The following FGF13 variants were observed in gnomAD, a reference collection of about 807,000 sequenced individuals.
The protein encoded by FGF13 is fibroblast growth factor homologous factor 2.
In FGF13, 2 loss-of-function variants were observed where a neutral mutation model predicts 19.5. The ratio of observed to expected loss-of-function variants is 0.10; its 90% CI spans 0.04 to 0.32. The LOEUF (loss-of-function observed/expected upper bound fraction) is 0.32, where lower values mean the gene tolerates loss of function less well. Ranked by LOEUF, FGF13 falls within the 10% of genes least tolerant of loss-of-function variation. FGF13 has a pLI of 1.00. For synonymous variants in FGF13, 72 were observed against 76.9 expected, an observed-to-expected ratio of 0.94 and a Z score of 0.33; for missense variants, 113 against 192.7, an observed-to-expected ratio of 0.59 and a Z score of 2.45.
chrX:138,687,920 G>A (rs2089799656), intron 3 of FGF13, among the ~76,000 whole-genome samples: 1 of 109,749 alleles, frequency 9.1e-6, no homozygotes, highest in Non-Finnish European at 1.9e-5. Context: ...AATACTGCAT[G>A]TTCTCACTCG....
At chrX:138,879,345 T>C (rs1012949833) in intron 1 of FGF13, among the ~76,000 whole-genome samples, 1 of 110,941 alleles carries the variant, frequency 9.0e-6, no homozygotes, top group African/African-American at 3.3e-5. Context: ...TAATGTTCTT[T>C]GATACACAAC....
intron 3 of FGF13, among the ~76,000 whole-genome samples, chrX:138,828,350 C>T (rs928071524): frequency 6.7e-4 from 74 of 110,247 alleles, no homozygotes; most frequent in Non-Finnish European, 1.2e-3. Context: ...GGGCGGATCA[C>T]GAGGTCAGGA....
intron 1 of FGF13, among the ~76,000 whole-genome samples, chrX:139,138,172 G>A (rs2083814731): frequency 8.9e-6 from 1 of 112,100 alleles, no homozygotes; most frequent in South Asian, 3.7e-4. Flanking sequence ...AAATAGCCCT[G>A]TGAGGTAGAT....
rs17538816 is a variant in FGF13, at chrX:138,710,014, T to G, written c.187+803A>C. 3.7e-3 allele frequency among the ~76,000 whole-genome samples: 408 copies of G among 111,248 alleles called. 13 individuals carry two copies. In the East Asian group the frequency reaches 0.081, roughly 22 times the overall value. The stretch of plus-strand genomic sequence containing the variant: ...TGTAAAAGATTCATTTGGTTAAGAA[T>G]GGCAAATAAACTGCATGCTCGCCTG... On this transcript the variant is annotated intron_variant, in intron 1 of 4. Coordinates refer to ENST00000315930, the MANE Select transcript of FGF13 (RefSeq NM_004114.5).
intron 1 of FGF13, among the ~76,000 whole-genome samples, chrX:139,122,481 T>C (rs954825964): frequency 9.0e-6 from 1 of 111,613 alleles, no homozygotes; most frequent in African/African-American, 3.3e-5. Context: ...ATCTCCACAT[T>C]GCCAAATCCA....
intron 1 of FGF13, among the ~76,000 whole-genome samples, chrX:138,868,589 T>A (rs1473555093): frequency 9.0e-6 from 1 of 111,145 alleles, no homozygotes; most frequent in African/African-American, 3.3e-5. Context: ...AAGCCTATTT[T>A]CTTCTCTCAA....
downstream of FGF13, among the ~76,000 whole-genome samples, chrX:138,855,962 C>CTGTGTGTGTGTG (rs35763167): frequency 4.9e-5 from 5 of 101,314 alleles, no homozygotes; most frequent in African/African-American, 1.8e-4. Flanking sequence ...AGTACAAAAA[C>CTGTGTGTGTGTG]TGTGTGTGTG....
upstream of FGF13, chrX:139,204,091 G>A (rs2084443171): frequency 3.3e-6 from 4 of 1,209,349 alleles, no homozygotes; most frequent in Non-Finnish European, 4.5e-6. Flanking sequence ...TTTGGGCTTG[G>A]TCACCTTTCC....
intron 3 of FGF13, among the ~76,000 whole-genome samples, chrX:138,836,668 T>C (rs752851702): frequency 1.3e-4 from 15 of 111,974 alleles, no homozygotes; most frequent in Non-Finnish European, 2.6e-4. Flanking sequence ...TTCCTATCCA[T>C]ATTCTGAATT....
At chrX:138,998,747 C>T (rs1330586164) in intron 1 of FGF13, among the ~76,000 whole-genome samples, 1 of 111,350 alleles carries the variant, frequency 9.0e-6, no homozygotes, top group African/African-American at 3.3e-5. Flanking sequence ...GAGACTTTAA[C>T]ACCCCACTGT....
chrX:138,828,584 A>AG (rs1206083743), intron 3 of FGF13, among the ~76,000 whole-genome samples: 8 of 111,018 alleles, frequency 7.2e-5, no homozygotes, highest in African/African-American at 2.6e-4. Context: ...AAAAAAAAAA[A>AG]AAAATCTCCA....
At position 138,871,009 on chromosome X, in the gene FGF13, T is replaced by C. The variant is rs1039744055; in HGVS notation, c.-112-6359A>G. ...CCTAGGGAGATGGGTGTCTGATTTC[T>C]GACCTACAGAAATGTAGGATAATCA... On this transcript the variant is annotated intron_variant, in intron 1 of 2. Coordinates refer to the FGF13 transcript ENST00000421460. Among the ~76,000 whole-genome samples, 8 of 112,351 alleles carry C rather than the reference T, an allele frequency of 7.1e-5. No individual in the cohort carries two copies. The Admixed American group carries it at 7.5e-4, about 11-fold the overall frequency.
intron 3 of FGF13, among the ~76,000 whole-genome samples, chrX:138,693,058 ACC>A (rs780661439): frequency 9.0e-6 from 1 of 111,512 alleles, no homozygotes; most frequent in South Asian, 3.7e-4. Flanking sequence ...TGAATACTTT[ACC>A]CATTTTTGTT....
chrX:139,095,068 C>A (rs894870789), intron 1 of FGF13, among the ~76,000 whole-genome samples: 1 of 112,406 alleles, frequency 8.9e-6, no homozygotes, highest in Non-Finnish European at 1.9e-5. Context: ...CTGAGGATAA[C>A]CTTTGTTCCC....
intron 1 of FGF13, among the ~76,000 whole-genome samples, chrX:138,867,017 A>G (rs746882166): frequency 2.7e-5 from 3 of 111,738 alleles, no homozygotes; most frequent in Non-Finnish European, 5.6e-5. Context: ...CTTACAGATG[A>G]CCAAACTGAA....
intron 1 of FGF13, among the ~76,000 whole-genome samples, chrX:139,068,875 C>A (rs1342196314): frequency 9.0e-6 from 1 of 111,433 alleles, no homozygotes; most frequent in East Asian, 2.8e-4. Flanking sequence ...CTCATCATCA[C>A]TGGCCATCAG....
At chrX:138,888,379 G>T (rs979763785) in intron 1 of FGF13, among the ~76,000 whole-genome samples, 1 of 111,295 alleles carries the variant, frequency 9.0e-6, no homozygotes, top group African/African-American at 3.3e-5. Context: ...TAACTTTCTT[G>T]TCTTTGGACT....
chrX:138,791,057 C>A (rs750816630), intron 3 of FGF13, among the ~76,000 whole-genome samples: 1 of 112,270 alleles, frequency 8.9e-6, no homozygotes, highest in East Asian at 2.8e-4. Context: ...TAAATATATA[C>A]AACTACTATG....
At chrX:139,176,012 C>T (rs879124964) in intron 1 of FGF13, among the ~76,000 whole-genome samples, 1 of 111,672 alleles carries the variant, frequency 9.0e-6, no homozygotes, top group African/African-American at 3.3e-5. Context: ...TAGAATTAGG[C>T]TGTGAATCTG....
Sources: gnomAD v4.1 joint callset for allele counts (sites outside exome capture counted in the v4.1 genomes callset) on GRCh38, gnomAD v4.1.1 for gene constraint, MANE v1.5 for transcripts, NCBI Gene and HGNC (gene_info 2026-07-23, HGNC 2026-07-21) for gene names.